Variants in CSMD1 observed in about 807,000 individuals in gnomAD.
CSMD1 encodes the protein CUB and sushi domain-containing protein 1.
Under a neutral mutation model 417.5 loss-of-function variants are expected in CSMD1, and 213 were observed. That is an observed-to-expected ratio of 0.51 (90% confidence interval 0.46 to 0.57). The LOEUF is 0.57. CSMD1 is among the 20% of genes least tolerant of loss of function. The pLI is 0.00. For synonymous variants in CSMD1, 2,862 were observed against 1,736.8 expected, an observed-to-expected ratio of 1.65 and a Z score of -16.11; for missense variants, 6,923 against 4,529.7, an observed-to-expected ratio of 1.53 and a Z score of -15.17.
intron 10 of CSMD1, among the ~76,000 whole-genome samples, chr8:3,509,362 T>A (rs774269048): frequency 6.6e-6 from 1 of 152,228 alleles, no homozygotes; most frequent in Non-Finnish European, 1.5e-5. Context: ...CAAGTCAACT[T>A]TGTCATAAGA....
intron 5 of CSMD1, among the ~76,000 whole-genome samples, chr8:3,980,204 G>A (rs1308361822): frequency 6.6e-6 from 1 of 152,266 alleles, no homozygotes; most frequent in Middle Eastern, 3.4e-3. Context: ...ATCAAAATTA[G>A]CTATGCCTCA....
chr8:4,572,104 T>C (rs938926112), intron 2 of CSMD1, among the ~76,000 whole-genome samples: 13 of 152,366 alleles, frequency 8.5e-5, no homozygotes, highest in Admixed American at 8.5e-4. Context: ...TTGGGGCATT[T>C]AGCCCATTTA....
At chr8:3,927,457 G>A (rs1809821752) in intron 5 of CSMD1, among the ~76,000 whole-genome samples, 1 of 151,910 alleles carries the variant, frequency 6.6e-6, no homozygotes, top group South Asian at 2.1e-4. Flanking sequence ...ACAAGGTCAG[G>A]AGTTTGGGAC....
chr8:3,300,628 C>T (rs553086297), intron 25 of CSMD1, among the ~76,000 whole-genome samples: 1 of 151,984 alleles, frequency 6.6e-6, no homozygotes, highest in African/African-American at 2.4e-5. Context: ...GATTTACTTA[C>T]AAGACTACTT....
intron 2 of CSMD1, among the ~76,000 whole-genome samples, chr8:4,609,323 C>G (rs975260256): frequency 4.6e-5 from 7 of 152,116 alleles, no homozygotes; most frequent in African/African-American, 1.4e-4. Context: ...ATTGCTGGAG[C>G]CTGGGAGGCA....
At chr8:4,530,853 C>T (rs543984482) in intron 2 of CSMD1, among the ~76,000 whole-genome samples, 4 of 151,888 alleles carry the variant, frequency 2.6e-5, no homozygotes, top group African/African-American at 2.4e-5. Context: ...TTCCTTATTT[C>T]CTTTTCACAA....
chr8:3,283,736 G>A (rs1802921029), intron 26 of CSMD1, among the ~76,000 whole-genome samples: 1 of 152,132 alleles, frequency 6.6e-6, no homozygotes, highest in Non-Finnish European at 1.5e-5. Flanking sequence ...AGACACACAG[G>A]GAAGAAGCTG....
At chr8:3,243,991 C>T (rs188867143) in intron 26 of CSMD1, among the ~76,000 whole-genome samples, 56 of 152,236 alleles carry the variant, frequency 3.7e-4, no homozygotes, top group Admixed American at 3.3e-3. Flanking sequence ...GCATACGCAT[C>T]ATTTAAAACA....
intron 3 of CSMD1, among the ~76,000 whole-genome samples, chr8:4,286,723 G>A (rs146098410): frequency 1.4e-3 from 212 of 152,260 alleles, no homozygotes; most frequent in Admixed American, 5.0e-3. Context: ...CAGCTCACAC[G>A]GTAGACTCCC....
intron 17 of CSMD1, among the ~76,000 whole-genome samples, chr8:3,390,448 G>A (rs1440606551): frequency 6.6e-6 from 1 of 151,134 alleles, no homozygotes; most frequent in Non-Finnish European, 1.5e-5. Context: ...ACCAGTCTGT[G>A]GACACAGGTA....
intron 1 of CSMD1, among the ~76,000 whole-genome samples, chr8:4,948,886 G>T (rs1313035851): frequency 3.3e-5 from 5 of 152,078 alleles, no homozygotes; most frequent in African/African-American, 1.2e-4. Context: ...TTAGATAAAA[G>T]ACCATGTTTT....
intron 3 of CSMD1, among the ~76,000 whole-genome samples, chr8:4,318,932 C>T (rs1799099856): frequency 6.6e-6 from 1 of 152,128 alleles, no homozygotes; most frequent in Non-Finnish European, 1.5e-5. Context: ...TTTAATTTTA[C>T]TCTCTTTATT....
Position 4,895,639 on chromosome 8 carries a change from G to C in CSMD1, c.85+98693C>G, listed in dbSNP as rs1804434475. Among the ~76,000 whole-genome samples, 4 of 151,542 alleles carry C rather than the reference G, an allele frequency of 2.6e-5. 1 individual carries two copies. The South Asian group carries it at 8.3e-4, about 32-fold the overall frequency. Reference sequence around the variant, plus strand: ...ATGACTTTCCTACTCTGATGTTGTGGTTGGTCTGATGAGGCTCCTTTTTCC... The same window carrying C: ...ATGACTTTCCTACTCTGATGTTGTGCTTGGTCTGATGAGGCTCCTTTTTCC... On this transcript the variant is annotated intron_variant, in intron 1 of 69. Coordinates refer to ENST00000635120, the MANE Select transcript of CSMD1 (RefSeq NM_033225.6).
At chr8:4,349,634 T>G (rs939725602) in intron 3 of CSMD1, among the ~76,000 whole-genome samples, 7 of 152,174 alleles carry the variant, frequency 4.6e-5, no homozygotes, top group African/African-American at 1.7e-4. Context: ...AATTTCACAA[T>G]TGCATACCTT....
chr8:4,340,029 A>G (rs996469386), intron 3 of CSMD1, among the ~76,000 whole-genome samples: 1 of 152,058 alleles, frequency 6.6e-6, no homozygotes, highest in Non-Finnish European at 1.5e-5. Flanking sequence ...TCTAGCGAAA[A>G]TTATGTTGAG....
At chr8:3,628,546 C>G (rs1021058667) in intron 7 of CSMD1, among the ~76,000 whole-genome samples, 1 of 152,160 alleles carries the variant, frequency 6.6e-6, no homozygotes, top group Non-Finnish European at 1.5e-5. Flanking sequence ...AAAGCCAGAG[C>G]TGGTTGGATG....
At chr8:3,652,893 T>C (rs1296618065) in intron 7 of CSMD1, among the ~76,000 whole-genome samples, 1 of 152,142 alleles carries the variant, frequency 6.6e-6, no homozygotes, top group Admixed American at 6.5e-5. Context: ...CAATACATAT[T>C]TAATGAATGA....
At chr8:3,158,812 A>G (rs1194638652) in intron 38 of CSMD1, among the ~76,000 whole-genome samples, 4 of 151,982 alleles carry the variant, frequency 2.6e-5, no homozygotes, top group Non-Finnish European at 5.9e-5. Context: ...ATAAATTTCC[A>G]TTTGCCACCC....
chr8:3,734,192 T>A (rs913919758), intron 6 of CSMD1, among the ~76,000 whole-genome samples: 3 of 152,228 alleles, frequency 2.0e-5, no homozygotes, highest in Admixed American at 6.5e-5. Context: ...AGCTGATGCA[T>A]GGAATTGGAA....
Sources: gnomAD v4.1 joint callset for allele counts (sites outside exome capture counted in the v4.1 genomes callset) on GRCh38, gnomAD v4.1.1 for gene constraint, MANE v1.5 for transcripts, NCBI Gene and HGNC (gene_info 2026-07-23, HGNC 2026-07-21) for gene names.